AUTS2: variants seen among roughly 807,000 people sequenced by gnomAD.
The protein encoded by AUTS2 is activator of transcription and developmental regulator AUTS2, also known as autism susceptibility gene 2 protein.
A neutral mutation model predicts 112.4 loss-of-function variants in AUTS2; 17 were observed. The observed-to-expected ratio is 0.15, with a 90% CI of 0.10 to 0.23. The LOEUF is 0.23. Ranked by LOEUF, AUTS2 falls within the 10% of genes least tolerant of loss-of-function variation. The probability of loss-of-function intolerance (pLI) is 1.00; values close to 1 mark genes in which losing one functional copy is unlikely to be tolerated. For synonymous variants in AUTS2, 751 were observed against 702.7 expected, an observed-to-expected ratio of 1.07 and a Z score of -1.09; for missense variants, 1,510 against 1,701.6, an observed-to-expected ratio of 0.89 and a Z score of 1.98.
chr7:69,899,757 T>C (rs751255627), intron 2 of AUTS2, among the ~76,000 whole-genome samples: 23 of 152,232 alleles, frequency 1.5e-4, no homozygotes, highest in Non-Finnish European at 2.4e-4. Flanking sequence ...TAAGTGGTAC[T>C]GGTATTTAGG....
intron 5 of AUTS2, among the ~76,000 whole-genome samples, chr7:70,539,035 C>T (rs1323950230): frequency 6.6e-6 from 1 of 152,136 alleles, no homozygotes; most frequent in Non-Finnish European, 1.5e-5. Context: ...TAGCAGACCA[C>T]AGAGTGACAG....
chr7:70,012,936 A>G (rs1799871407), intron 2 of AUTS2, among the ~76,000 whole-genome samples: 1 of 152,172 alleles, frequency 6.6e-6, no homozygotes, highest in Admixed American at 6.5e-5. Flanking sequence ...AGGACCGCAT[A>G]TGTGTGCATG....
At chr7:69,892,102 C>A (rs1794551592) in intron 1 of AUTS2, among the ~76,000 whole-genome samples, 1 of 145,494 alleles carries the variant, frequency 6.9e-6, no homozygotes, top group Admixed American at 6.9e-5. Flanking sequence ...CAGATATCTT[C>A]TTTAGCAAAG....
intron 2 of AUTS2, among the ~76,000 whole-genome samples, chr7:69,978,385 A>G (rs563724399): frequency 3.9e-5 from 6 of 152,316 alleles, no homozygotes; most frequent in Admixed American, 3.9e-4. Context: ...GTTTTATTGA[A>G]AAACTGTTAG....
intron 2 of AUTS2, among the ~76,000 whole-genome samples, chr7:69,989,328 C>T (rs773184326): frequency 2.0e-5 from 3 of 152,122 alleles, no homozygotes; most frequent in Non-Finnish European, 2.9e-5. Flanking sequence ...GCTGGCACTT[C>T]AAGGGGTTTG....
chr7:69,616,674 A>G (rs1793397046), intron 1 of AUTS2, among the ~76,000 whole-genome samples: 1 of 152,190 alleles, frequency 6.6e-6, no homozygotes, highest in Non-Finnish European at 1.5e-5. Context: ...CAAATTTAAT[A>G]TTTCTTCTTT....
intron 5 of AUTS2, among the ~76,000 whole-genome samples, chr7:70,472,521 T>TAA (rs1797431293): frequency 1.3e-5 from 2 of 152,160 alleles, no homozygotes; most frequent in Admixed American, 6.5e-5. Context: ...CTGATTTATG[T>TAA]ACACTATATT....
intron 6 of AUTS2, among the ~76,000 whole-genome samples, chr7:70,749,371 C>G (rs192145766): frequency 6.6e-6 from 1 of 152,130 alleles, no homozygotes. Flanking sequence ...GAGGGGGGTC[C>G]GCGAATGTAC....
chr7:70,048,432 A>G (rs1468893839), intron 2 of AUTS2, among the ~76,000 whole-genome samples: 4 of 152,200 alleles, frequency 2.6e-5, no homozygotes, highest in South Asian at 4.1e-4. Flanking sequence ...ACATATTTCT[A>G]TTAGTACTTA....
At chr7:70,045,815 A>G (rs1304168625) in intron 2 of AUTS2, among the ~76,000 whole-genome samples, 2 of 136,656 alleles carry the variant, frequency 1.5e-5, no homozygotes, top group Admixed American at 7.6e-5. Flanking sequence ...TTAAGTAGAG[A>G]TAGGGTTTCA....
chr7:70,043,551 T>C (rs1284896566), intron 2 of AUTS2, among the ~76,000 whole-genome samples: 58 of 3,104 alleles, frequency 0.019, no homozygotes, highest in East Asian at 0.045. Context: ...TTCCCTCCCT[T>C]CCTTCCTTCC....
intron 4 of AUTS2, among the ~76,000 whole-genome samples, chr7:70,235,385 G>A: frequency 6.6e-6 from 1 of 151,876 alleles, no homozygotes; most frequent in East Asian, 1.9e-4. Context: ...TGATCCTCCA[G>A]CCTTGTCCTT....
intron 2 of AUTS2, among the ~76,000 whole-genome samples, chr7:70,037,371 T>G (rs1156652004): frequency 6.6e-6 from 1 of 152,126 alleles, no homozygotes; most frequent in Non-Finnish European, 1.5e-5. Context: ...TTTTGCTGAG[T>G]GAGTAGGTTA....
chr7:70,002,045 T>G (rs1799222820), intron 2 of AUTS2, among the ~76,000 whole-genome samples: 1 of 152,198 alleles, frequency 6.6e-6, no homozygotes, highest in Non-Finnish European at 1.5e-5. Flanking sequence ...GCATTTTGGC[T>G]TTAATAAAAA....
At chr7:70,345,971 AT>A (rs972439863) in intron 4 of AUTS2, among the ~76,000 whole-genome samples, 16 of 149,172 alleles carry the variant, frequency 1.1e-4, no homozygotes, top group Admixed American at 2.7e-4. Context: ...GAAGTCTATC[AT>A]TTTTTTTTTC....
chr7:70,013,935 C>T (rs911225895), intron 2 of AUTS2, among the ~76,000 whole-genome samples: 1 of 152,092 alleles, frequency 6.6e-6, no homozygotes, highest in Non-Finnish European at 1.5e-5. Flanking sequence ...CCAGGATGGT[C>T]TCGATCTCCT....
intron 5 of AUTS2, among the ~76,000 whole-genome samples, chr7:70,496,328 A>G (rs1260023058): frequency 2.0e-5 from 1 of 50,960 alleles, no homozygotes; most frequent in African/African-American, 1.3e-4. Flanking sequence ...AGTCACACAC[A>G]CGCACACCCC....
chr7:70,387,467 C>T (rs1793665182), intron 4 of AUTS2, among the ~76,000 whole-genome samples: 1 of 152,186 alleles, frequency 6.6e-6, no homozygotes, highest in South Asian at 2.1e-4. Flanking sequence ...ACTCTTTTAT[C>T]TGTCTATTTT....
intron 4 of AUTS2, among the ~76,000 whole-genome samples, chr7:70,368,654 T>C (rs1329661631): frequency 2.0e-5 from 3 of 152,212 alleles, no homozygotes; most frequent in African/African-American, 7.2e-5. Flanking sequence ...GGTATTTGCC[T>C]CTGCAGTCAT....
Sources: allele counts gnomAD v4.1 joint callset (sites outside exome capture counted in the v4.1 genomes callset), GRCh38; gene constraint gnomAD v4.1.1; transcripts MANE v1.5; gene names NCBI Gene and HGNC (gene_info 2026-07-23, HGNC 2026-07-21).